The following PRR13 variants were observed in gnomAD, a reference collection of about 807,000 sequenced individuals.
PRR13 encodes proline-rich protein 13.
In PRR13, 7 loss-of-function variants were observed where a neutral mutation model predicts 11.5. That is an observed-to-expected ratio of 0.61 (90% CI 0.34 to 1.14). PRR13 has a LOEUF of 1.14. Ranked by LOEUF, PRR13 falls within the 50% of genes most tolerant of loss-of-function variation. The pLI, the probability that PRR13 is intolerant of heterozygous loss-of-function variation, is 0.03. For missense variants in PRR13, 155 were observed against 194.4 expected, an observed-to-expected ratio of 0.80 and a Z score of 1.21; for synonymous variants, 53 against 67.8, an observed-to-expected ratio of 0.78 and a Z score of 1.07.
chr12:53,443,627 C>A lies in PRR13; in HGVS notation c.256C>A (p.Pro86Thr). ...PYPPPYPPPA[P>T]GIPPVNPLAP... Reference sequence around the variant, plus strand: ...CCCTCCTCCATACCCACCGCCTGCCCCTGGAATCCCTCCTGTGAATCCCTT... The same window carrying A: ...CCCTCCTCCATACCCACCGCCTGCCACTGGAATCCCTCCTGTGAATCCCTT... Residue 86 changes from proline (P) to threonine (T), a missense_variant, in exon 3 of 4, where the codon CCT (proline) becomes ACT (threonine). Physicochemically the swap from Pro to Thr is conservative, Grantham distance 38. Coordinates refer to ENST00000429243, the MANE Select transcript of PRR13 (RefSeq NM_018457.4). 1 of 1,614,150 alleles carries A rather than the reference C, an allele frequency of 6.2e-7. No homozygotes were observed. The highest frequency in any genetic ancestry group is 8.5e-7 in the Non-Finnish European group (1 of 1,180,004).
In PRR13 at chr12:53,442,535, G is replaced by A. The variant is rs1206927985; in HGVS notation, c.-20-160G>A. 1.9e-4 allele frequency: 116 copies of A among 620,980 alleles called. No homozygotes were observed. In the East Asian group the frequency reaches 3.4e-3, roughly 18 times the overall value. The allele number at this position is 620,980 out of a possible 1,614,324, so 38.5% of individuals were successfully genotyped here. ...TGGGATTACAGGCGTGAGCCACCGC[G>A]CCCAGCCAGAAAAGAGACATTTCTT... On this transcript the variant is annotated intron_variant, in intron 1 of 3. Transcript: ENST00000429243.
chr12:53,443,331 G>T, intron 2 of PRR13, 60 bp from the exon 3 acceptor site: 3 of 1,294,766 alleles, frequency 2.3e-6, no homozygotes, highest in South Asian at 2.8e-5. Flanking sequence ...CTTTCTTTTT[G>T]TTGTTTGTTG....
rs751847479 is a variant in PRR13 at position 53,446,075 on chromosome 12, C to T, written c.*16C>T. On this transcript the variant is annotated 3_prime_UTR_variant, in exon 4 of 4. Coordinates refer to ENST00000429243, the MANE Select transcript of PRR13 (RefSeq NM_018457.4). The stretch of plus-strand genomic sequence containing the variant: ...TTCTGACTGAATACAGGCCCTGGAC[C>T]CTTCCCTCAAGTCTCACCAGTTCTG... 1 of 1,595,788 alleles carries T rather than the reference C, an allele frequency of 6.3e-7. No individual in the cohort carries two copies. Among genetic ancestry groups the T allele is most frequent in the Admixed American group, 1.7e-5 (1 of 58,000 alleles).
chr12:53,444,076 G>T (rs1374664018), intron 3 of PRR13: 1 of 455,116 alleles, frequency 2.2e-6, no homozygotes, highest in Non-Finnish European at 3.9e-6. Flanking sequence ...CTCCCGCCAG[G>T]TGCATATTCT....
intron 2 of PRR13, chr12:53,442,957 A>G (rs1475330319): frequency 2.2e-6 from 1 of 444,878 alleles, no homozygotes; most frequent in Non-Finnish European, 3.9e-6. Context: ...CCTGGGTTCA[A>G]GCGATTCTCC....
intron 3 of PRR13, among the ~76,000 whole-genome samples, chr12:53,445,568 C>T (rs1940386597): frequency 6.6e-6 from 1 of 152,160 alleles, no homozygotes; most frequent in Non-Finnish European, 1.5e-5. Flanking sequence ...GATACATGCA[C>T]ATACAACTGC....
At chr12:53,443,891 C>T in intron 3 of PRR13, 118 bp downstream of exon 3, 1 of 1,195,552 alleles carries the variant, frequency 8.4e-7, no homozygotes, top group Non-Finnish European at 1.2e-6. Flanking sequence ...AATTGTGTCG[C>T]TCTGGTAGAT....
At chr12:53,444,053 A>T (rs182411759) in intron 3 of PRR13, 227 of 486,004 alleles carry the variant, frequency 4.7e-4, no homozygotes, top group Non-Finnish European at 6.3e-4. Flanking sequence ...ACTCTCCCAG[A>T]ACTTTTGCTC....
Position 53,443,691 on chromosome 12 carries a change from A to C in PRR13, c.320A>C (p.Lys107Thr). ...GTTGGACCAGCAGTGATAGTAGACA[A>C]GAAGATGCAGAAGAAAATGAAGAAA... The part of the protein sequence containing the change: ...GMVGPAVIVD[K>T]KMQKKMKKAH... The change falls in exon 3 of 4, where the codon AAG (lysine) becomes ACG (threonine). Residue 107 changes from lysine to threonine, a missense_variant. Lys to Thr is a moderately conservative substitution (Grantham distance 78). Coordinates refer to ENST00000429243, the MANE Select transcript of PRR13 (RefSeq NM_018457.4). 6.2e-7 allele frequency: 1 copy of C among 1,614,214 alleles called. No individual in the cohort carries two copies.
intron 2 of PRR13, 129 bp downstream of exon 2, chr12:53,442,862 C>CCTG: frequency 2.6e-6 from 2 of 770,026 alleles, no homozygotes; most frequent in Non-Finnish European, 4.1e-6. Context: ...TAGTCTAGAG[C>CCTG]TGACCAGTGC....
At chr12:53,441,990 C>T in intron 1 of PRR13, 198 bp downstream of exon 1, 1 of 608,108 alleles carries the variant, frequency 1.6e-6, no homozygotes, top group South Asian at 2.0e-5. Flanking sequence ...TTTTTTTAGC[C>T]TGAGGTGGGG....
chr12:53,442,074 G>A (rs1940302463), intron 1 of PRR13: 2 of 505,090 alleles, frequency 4.0e-6, no homozygotes, highest in Admixed American at 3.6e-5. Context: ...TCCGTACTCA[G>A]TTCCAGGGAA....
intron 3 of PRR13, among the ~76,000 whole-genome samples, chr12:53,444,580 T>C (rs61928102): frequency 0.018 from 2,803 of 152,290 alleles, 37 homozygotes; most frequent in Non-Finnish European, 0.029. Flanking sequence ...CCGCCCGCCT[T>C]GGCCTCCCAA....
rs1210052803 is a variant in PRR13, at chr12:53,443,846, AG to A, written c.402+78del. 2.7e-6 allele frequency: 4 copies of A among 1,488,458 alleles called. No individual in the cohort carries two copies. The South Asian group carries it at 3.9e-5, about 14-fold the overall frequency. The allele number at this position is 1,488,458 out of a possible 1,614,324, so 92.2% of individuals were successfully genotyped here. ...GGACTAGGTAGGCAGGGGTTGGGTG[AG>A]GGGGATTCACATTCTGTGGACGTGA... On this transcript the variant is annotated intron_variant, in intron 3 of 3. Transcript: ENST00000429243.
chr12:53,443,234 C>A, intron 2 of PRR13, 157 bp from the exon 3 acceptor site: 1 of 725,538 alleles, frequency 1.4e-6, no homozygotes, highest in Non-Finnish European at 2.1e-6. Context: ...TCCCCCTTTT[C>A]TCCCCAACTC....
chr12:53,443,941 C>G, intron 3 of PRR13, 168 bp downstream of exon 3: 1 of 854,424 alleles, frequency 1.2e-6, no homozygotes, highest in Non-Finnish European at 1.8e-6. Flanking sequence ...TGGGAAGAAT[C>G]TGATTATCTT....
rs945849885 is a variant in PRR13, at chr12:53,446,203, G to T, written c.*144G>T. 4.9e-6 allele frequency: 7 copies of T among 1,433,264 alleles called. No homozygotes were observed. The highest frequency in any genetic ancestry group is 6.5e-6 in the Non-Finnish European group (7 of 1,071,726). The allele number at this position is 1,433,264 out of a possible 1,614,324, so 88.8% of individuals were successfully genotyped here. Reference sequence around the variant, plus strand: ...GAGCCTCACCCTGCTGTTGAGCCCTGAGTGGCTAGGGGAAATGGGAAGAGG... The same window carrying T: ...GAGCCTCACCCTGCTGTTGAGCCCTTAGTGGCTAGGGGAAATGGGAAGAGG... On this transcript the variant is annotated 3_prime_UTR_variant, in exon 4 of 4. Coordinates refer to ENST00000429243, the MANE Select transcript of PRR13 (RefSeq NM_018457.4).
In PRR13 at chr12:53,441,905, G is replaced by A. The variant is rs528311102; in HGVS notation, c.-21+113G>A. 79 of 693,112 alleles carry A rather than the reference G, an allele frequency of 1.1e-4. 1 individual carries two copies. The highest frequency in any genetic ancestry group is 1.1e-3 in the South Asian group (71 of 66,182). The allele number at this position is 693,112 out of a possible 1,614,324, so 42.9% of individuals were successfully genotyped here. ...TTGCCTTTTTTCTTTTTTGGAGGAA[G>A]GGGGCTGTGTCCACATATTTAAGTA... is the stretch of plus-strand genomic sequence containing the variant. On this transcript the variant is annotated intron_variant, in intron 1 of 3. Transcript: ENST00000429243.
In PRR13 at chr12:53,446,043, G is replaced by A; in HGVS notation, c.431G>A (p.Ser144Asn). The A allele has an allele frequency of 6.2e-7, 1 of 1,613,876 alleles. No homozygotes were observed. Among genetic ancestry groups the A allele is most frequent in the Non-Finnish European group, 8.5e-7 (1 of 1,180,046 alleles). ...TCCTCCTCTTCCTCCTCCTCTTCCA[G>A]CAGTGATTCTGACTGAATACAGGCC... ...KHSSSSSSSS[S>N]SDSD The change falls in exon 4 of 4, where the codon AGC becomes AAC. Residue 144 changes from serine (S) to asparagine (N), a missense_variant. Physicochemically the swap from Ser to Asn is conservative, Grantham distance 46 (BLOSUM62 1). Transcript: ENST00000429243.
Sources: allele counts gnomAD v4.1 joint callset (sites outside exome capture counted in the v4.1 genomes callset), GRCh38; gene constraint gnomAD v4.1.1; transcripts MANE v1.5; gene names NCBI Gene and HGNC (gene_info 2026-07-23, HGNC 2026-07-21).